Variants in ESR2 observed in about 807,000 individuals in gnomAD.
ESR2 encodes estrogen receptor beta.
A neutral mutation model predicts 49.6 loss-of-function variants in ESR2; 36 were observed. The ratio of observed to expected loss-of-function variants is 0.73; its 90% CI spans 0.56 to 0.96. ESR2 has a LOEUF of 0.96. Ranked by LOEUF, ESR2 falls within the 40% of genes least tolerant of loss-of-function variation. The probability of loss-of-function intolerance (pLI) is 0.00; values close to 1 mark genes in which losing one functional copy is unlikely to be tolerated. For missense variants in ESR2, 714 were observed against 693.0 expected (o/e 1.03, Z -0.34); for synonymous variants, 320 against 266.1 (o/e 1.20, Z -1.97).
At chr14:64,270,906 T>C (rs1040002161) in intron 3 of ESR2, among the ~76,000 whole-genome samples, 1 of 152,238 alleles carries the variant, frequency 6.6e-6, no homozygotes, top group African/African-American at 2.4e-5. Context: ...CAAAGAGATA[T>C]CTGCACTTCC....
chr14:64,291,252 G>A (rs2076865729), intron 1 of ESR2, among the ~76,000 whole-genome samples: 1 of 152,162 alleles, frequency 6.6e-6, no homozygotes, highest in Non-Finnish European at 1.5e-5. Flanking sequence ...GTCTGGCTTT[G>A]AGGAAACATA....
intron 4 of ESR2, among the ~76,000 whole-genome samples, chr14:64,263,465 T>C (rs1190553458): frequency 6.6e-6 from 1 of 152,080 alleles, no homozygotes; most frequent in African/African-American, 2.4e-5. Context: ...GAGACCAGCC[T>C]GGCCAAAATG....
chr14:64,272,899 G>C (rs934248317), intron 3 of ESR2, among the ~76,000 whole-genome samples: 1 of 152,030 alleles, frequency 6.6e-6, no homozygotes, highest in Admixed American at 6.6e-5. Flanking sequence ...TTCTATTTCT[G>C]TGAAAATATC....
upstream of ESR2, among the ~76,000 whole-genome samples, chr14:64,294,750 C>G (rs1007759461): frequency 6.6e-6 from 1 of 152,220 alleles, no homozygotes; most frequent in Non-Finnish European, 1.5e-5. Flanking sequence ...TTCTAAGGAG[C>G]CAGTGGTGAA....
At chr14:64,251,443 C>T (rs1228327437) in intron 6 of ESR2, among the ~76,000 whole-genome samples, 1 of 151,626 alleles carries the variant, frequency 6.6e-6, no homozygotes, top group Non-Finnish European at 1.5e-5. Context: ...ACACACACCC[C>T]TCCCCAAGTG....
chr14:64,262,139 G>A (rs2076237517), intron 4 of ESR2, among the ~76,000 whole-genome samples: 1 of 145,756 alleles, frequency 6.9e-6, no homozygotes, highest in Admixed American at 6.9e-5. Context: ...AAGAGACAAG[G>A]TCTCTGTCAC....
intron 4 of ESR2, among the ~76,000 whole-genome samples, chr14:64,263,853 A>C (rs1168459109): frequency 1.3e-5 from 2 of 152,202 alleles, no homozygotes; most frequent in East Asian, 3.8e-4. Context: ...TGATCTACAA[A>C]GGCCATAGAT....
chr14:64,294,839 G>C (rs2076933044), upstream of ESR2, among the ~76,000 whole-genome samples: 1 of 152,238 alleles, frequency 6.6e-6, no homozygotes, highest in African/African-American at 2.4e-5. Context: ...CCGTGGACTA[G>C]AGGTGGAGGG....
intron 7 of ESR2, among the ~76,000 whole-genome samples, chr14:64,238,344 C>T (rs2075649916): frequency 6.6e-6 from 1 of 151,962 alleles, no homozygotes; most frequent in African/African-American, 2.4e-5. Context: ...ATCCATTTTA[C>T]ATATGGTGGG....
intron 4 of ESR2, among the ~76,000 whole-genome samples, chr14:64,261,935 T>A (rs2076232848): frequency 6.6e-6 from 1 of 151,856 alleles, no homozygotes; most frequent in Admixed American, 6.6e-5. Flanking sequence ...AATTTTTTTG[T>A]AGAACTAGGG....
intron 1 of ESR2, among the ~76,000 whole-genome samples, chr14:64,283,419 C>T (rs1360243001): frequency 6.6e-6 from 1 of 151,990 alleles, no homozygotes; most frequent in African/African-American, 2.4e-5. Context: ...ACCAAGTAAA[C>T]GCTAAGAGAA....
chr14:64,268,676 C>A, intron 4 of ESR2, 119 bp downstream of exon 4: 1 of 679,380 alleles, frequency 1.5e-6, no homozygotes. Context: ...TGACAACACG[C>A]AAATACTTAA....
intron 1 of ESR2, among the ~76,000 whole-genome samples, chr14:64,317,645 T>A (rs927587545): frequency 6.6e-6 from 1 of 152,178 alleles, no homozygotes; most frequent in African/African-American, 2.4e-5. Flanking sequence ...CCATGAGAAT[T>A]GGGTAGCATA....
chr14:64,296,246 T>C (rs1303634889), upstream of ESR2, among the ~76,000 whole-genome samples: 1 of 152,022 alleles, frequency 6.6e-6, no homozygotes, highest in Non-Finnish European at 1.5e-5. Flanking sequence ...AGCATCTCAT[T>C]TAATCCTCAC....
At chr14:64,320,591 T>C (rs577200833) in intron 1 of ESR2, among the ~76,000 whole-genome samples, 1 of 152,258 alleles carries the variant, frequency 6.6e-6, no homozygotes, top group Non-Finnish European at 1.5e-5. Context: ...CCCCGGACTT[T>C]AGTTAATAAT....
chr14:64,304,502 C>T (rs771917764), intron 1 of ESR2, among the ~76,000 whole-genome samples: 10 of 152,216 alleles, frequency 6.6e-5, no homozygotes, highest in Non-Finnish European at 1.5e-4. Context: ...CACAGCCACA[C>T]ACCTCTCAAG....
chr14:64,227,441 A>T (rs527720340), downstream of ESR2: 33 of 1,426,592 alleles, frequency 2.3e-5, no homozygotes, highest in East Asian at 6.6e-4. Context: ...CTTTAAAATT[A>T]TTTTTTTCAT....
At chr14:64,227,817 A>G, downstream of ESR2, 2 of 1,572,268 alleles carry the variant, frequency 1.3e-6, no homozygotes, top group Non-Finnish European at 1.7e-6. Context: ...TTTATGAGGT[A>G]GTCTGGGTTT....
At chr14:64,269,035 T>C (rs1437834349) in intron 3 of ESR2, 124 bp from the exon 4 acceptor site, 1 of 635,352 alleles carries the variant, frequency 1.6e-6, no homozygotes, top group Non-Finnish European at 2.8e-6. Context: ...TAATGACCAG[T>C]ACAGGTACAA....
Sources: allele counts gnomAD v4.1 joint callset (sites outside exome capture counted in the v4.1 genomes callset), GRCh38; gene constraint gnomAD v4.1.1; transcripts MANE v1.5; gene names NCBI Gene and HGNC (gene_info 2026-07-23, HGNC 2026-07-21).